The following NINJ2 variants were observed in gnomAD, a reference collection of about 807,000 sequenced individuals.
The protein encoded by NINJ2 is ninjurin-2.
Under a neutral mutation model 11.7 loss-of-function variants are expected in NINJ2, and 12 were observed. That is an observed-to-expected ratio of 1.02 (90% CI 0.66 to 1.66). The LOEUF (loss-of-function observed/expected upper bound fraction) is 1.66, where lower values mean the gene tolerates loss of function less well. Among genes scored for constraint, NINJ2 ranks in the 40% most tolerant of loss-of-function variants. The probability of loss-of-function intolerance (pLI) is 0.00; values close to 1 mark genes in which losing one functional copy is unlikely to be tolerated. For missense variants in NINJ2, 187 were observed against 181.8 expected, an observed-to-expected ratio of 1.03 and a Z score of -0.16; for synonymous variants, 93 against 76.8, an observed-to-expected ratio of 1.21 and a Z score of -1.10.
At chr12:632,183 G>C (rs7956326) in intron 1 of NINJ2, 2 of 152,220 alleles carry the variant, frequency 1.3e-5, no homozygotes, top group African/African-American at 4.8e-5. Flanking sequence ...GAAAAAGATT[G>C]AGTAAAGCTG....
chr12:584,731 G>A (rs750857627), intron 1 of NINJ2, among the ~76,000 whole-genome samples: 12 of 152,066 alleles, frequency 7.9e-5, no homozygotes, highest in Non-Finnish European at 5.9e-5. Flanking sequence ...ACTTGAACCC[G>A]GGAGGTGGAG....
intron 1 of NINJ2, among the ~76,000 whole-genome samples, chr12:648,703 G>A (rs1388749902): frequency 6.6e-6 from 1 of 152,140 alleles, no homozygotes; most frequent in Non-Finnish European, 1.5e-5. Flanking sequence ...GACCTGGAAG[G>A]CCTATTAGTC....
intron 1 of NINJ2, chr12:643,848 A>G (rs951146831): frequency 7.8e-5 from 16 of 204,208 alleles, no homozygotes; most frequent in African/African-American, 3.8e-4. Context: ...GTCTTAGATG[A>G]CACTTTCCTT....
chr12:575,002 T>C (rs1947434669), intron 1 of NINJ2, among the ~76,000 whole-genome samples: 1 of 152,190 alleles, frequency 6.6e-6, no homozygotes, highest in South Asian at 2.1e-4. Flanking sequence ...CCACAGAGGA[T>C]TATACTCCCA....
chr12:592,411 G>A (rs1232036234), intron 1 of NINJ2, among the ~76,000 whole-genome samples: 1 of 152,192 alleles, frequency 6.6e-6, no homozygotes, highest in African/African-American at 2.4e-5. Flanking sequence ...AGAATAACTA[G>A]CTTCTCTGGC....
chr12:574,896 A>G (rs1279537376), intron 1 of NINJ2, among the ~76,000 whole-genome samples: 2 of 152,254 alleles, frequency 1.3e-5, no homozygotes, highest in East Asian at 3.8e-4. Context: ...TGTCTAGCAC[A>G]AAGTGCTGTT....
intron 1 of NINJ2, among the ~76,000 whole-genome samples, chr12:609,363 G>A (rs1247216881): frequency 6.6e-6 from 1 of 151,794 alleles, no homozygotes; most frequent in Non-Finnish European, 1.5e-5. Flanking sequence ...TGAAGGGGCC[G>A]CAAAGATGAG....
chr12:568,885 C>CCG (rs1555161119), intron 1 of NINJ2, among the ~76,000 whole-genome samples: 1 of 126,614 alleles, frequency 7.9e-6, no homozygotes, highest in Non-Finnish European at 1.6e-5. Context: ...CACCCCCCCC[C>CCG]CCCCGCCCCC....
At chr12:574,179 G>A (rs990980725) in intron 1 of NINJ2, among the ~76,000 whole-genome samples, 8 of 151,890 alleles carry the variant, frequency 5.3e-5, no homozygotes, top group African/African-American at 1.9e-4. Flanking sequence ...CCGAGATGGT[G>A]CCACTGCACT....
chr12:645,702 T>G (rs1304326874), intron 1 of NINJ2: 1 of 152,166 alleles, frequency 6.6e-6, no homozygotes, highest in Non-Finnish European at 1.5e-5. Context: ...CAATTTCCCT[T>G]AGTCATGGCA....
chr12:615,657 C>T (rs1035932619), intron 1 of NINJ2, among the ~76,000 whole-genome samples: 5 of 152,238 alleles, frequency 3.3e-5, no homozygotes, highest in African/African-American at 1.2e-4. Flanking sequence ...GGAAGCCTTC[C>T]TCAGCTCCTA....
At chr12:643,819 C>T in intron 1 of NINJ2, 1 of 324,224 alleles carries the variant, frequency 3.1e-6, no homozygotes, top group Non-Finnish European at 4.5e-6. Flanking sequence ...GAATCTTGAG[C>T]TACCAGCTCA....
intron 1 of NINJ2, among the ~76,000 whole-genome samples, chr12:647,710 C>T (rs897530275): frequency 2.6e-5 from 4 of 152,152 alleles, no homozygotes; most frequent in African/African-American, 9.7e-5. Context: ...TAAGTAAGAC[C>T]TTAGTATGCA....
chr12:626,189 G>A (rs1232759126), intron 1 of NINJ2, among the ~76,000 whole-genome samples: 2 of 152,238 alleles, frequency 1.3e-5, no homozygotes, highest in African/African-American at 4.8e-5. Flanking sequence ...GTCCTGGCAA[G>A]CATTAATCTG....
At chr12:566,672 C>G (rs34909666) in intron 1 of NINJ2, among the ~76,000 whole-genome samples, 47,234 of 152,104 alleles carry the variant, frequency 0.31, 7,348 homozygotes, top group East Asian at 0.48. Context: ...AGCAGCTGAT[C>G]ATCGGCTGGA....
At chr12:658,700 GCTA>G (rs1937909946) in intron 1 of NINJ2, among the ~76,000 whole-genome samples, 1 of 150,970 alleles carries the variant, frequency 6.6e-6, no homozygotes, top group Non-Finnish European at 1.5e-5. Flanking sequence ...GCTATGCTAT[GCTA>G]TGCTATGCTA....
intron 1 of NINJ2, among the ~76,000 whole-genome samples, chr12:582,470 T>A (rs1173792575): frequency 3.2e-4 from 24 of 75,326 alleles, no homozygotes; most frequent in South Asian, 1.2e-3. Context: ...GGCATGCTAG[T>A]GTGAATGAAT....
intron 3 of NINJ2, among the ~76,000 whole-genome samples, 192 bp from the exon 4 acceptor site, chr12:564,873 C>T (rs1355789039): frequency 2.0e-5 from 3 of 152,244 alleles, no homozygotes; most frequent in Non-Finnish European, 4.4e-5. Context: ...ACCCATGGAC[C>T]ACAGTCAGTA....
At chr12:662,409 C>CGA (rs111778018) in intron 1 of NINJ2, among the ~76,000 whole-genome samples, 2,794 of 147,474 alleles carry the variant, frequency 0.019, 41 homozygotes, top group African/African-American at 0.035. Flanking sequence ...ACACAGAGAA[C>CGA]GAGAGAGAGA....
Sources: allele counts gnomAD v4.1 joint callset (sites outside exome capture counted in the v4.1 genomes callset), GRCh38; gene constraint gnomAD v4.1.1; transcripts MANE v1.5; gene names NCBI Gene and HGNC (gene_info 2026-07-23, HGNC 2026-07-21).